Variants in APBA2 observed in about 807,000 individuals in gnomAD.
APBA2 encodes amyloid beta precursor protein binding family A member 2, also known as amyloid-beta A4 precursor protein-binding family A member 2.
In APBA2, 30 loss-of-function variants were observed where a neutral mutation model predicts 75.0. The ratio of observed to expected loss-of-function variants is 0.40; its 90% CI spans 0.30 to 0.54. The LOEUF (loss-of-function observed/expected upper bound fraction) is 0.54, where lower values mean the gene tolerates loss of function less well. Ranked by LOEUF, APBA2 falls within the 20% of genes least tolerant of loss-of-function variation. APBA2 has a pLI of 0.49. For synonymous variants in APBA2, 444 were observed against 409.6 expected, an observed-to-expected ratio of 1.08 and a Z score of -1.01; for missense variants, 801 against 1,016.1, an observed-to-expected ratio of 0.79 and a Z score of 2.88.
chr15:29,078,987 G>T (rs1481081962), intron 6 of APBA2, among the ~76,000 whole-genome samples: 3 of 152,190 alleles, frequency 2.0e-5, no homozygotes, highest in African/African-American at 4.8e-5. Context: ...AGGCAACATT[G>T]CTTATGGTGA....
rs534547997 is a variant in APBA2 at position 28,931,329 on chromosome 15, C to G, written c.-95+9580C>G. On this transcript the variant is annotated intron_variant, in intron 2 of 14. Transcript: ENST00000683413. ...TACTCCAGTCGGTCCCCCTGTAGCTCCTGGATCTTAGCGGGGGCCTGGGAA... is the reference window on the plus strand; with the variant it reads ...TACTCCAGTCGGTCCCCCTGTAGCTGCTGGATCTTAGCGGGGGCCTGGGAA... 2.0e-5 allele frequency among the ~76,000 whole-genome samples: 3 copies of G among 152,300 alleles called. No homozygotes were observed. The South Asian group carries it at 6.2e-4, about 32-fold the overall frequency.
chr15:29,082,172 A>G (rs1468069448), intron 6 of APBA2, among the ~76,000 whole-genome samples: 3 of 152,214 alleles, frequency 2.0e-5, no homozygotes, highest in Admixed American at 6.5e-5. Flanking sequence ...TTTTCTTTTC[A>G]GTGCACTGCC....
At chr15:29,019,539 A>G (rs1336454682) in intron 3 of APBA2, among the ~76,000 whole-genome samples, 1 of 152,168 alleles carries the variant, frequency 6.6e-6, no homozygotes, top group Admixed American at 6.5e-5. Flanking sequence ...GCATTTATGC[A>G]TGTGTAGATG....
At chr15:28,960,322 G>A (rs908938536) in intron 2 of APBA2, among the ~76,000 whole-genome samples, 1 of 151,886 alleles carries the variant, frequency 6.6e-6, no homozygotes, top group Non-Finnish European at 1.5e-5. Flanking sequence ...AAATTAGCTG[G>A]GTGTGGTGGT....
chr15:28,921,287 C>T (rs767210806), intron 1 of APBA2, among the ~76,000 whole-genome samples: 14 of 152,182 alleles, frequency 9.2e-5, no homozygotes, highest in Non-Finnish European at 1.6e-4. Flanking sequence ...ACAAAATCTT[C>T]CTACATTGAA....
chr15:28,887,728 C>T (rs918075948), intron 1 of APBA2, among the ~76,000 whole-genome samples: 21 of 152,124 alleles, frequency 1.4e-4, no homozygotes, highest in Admixed American at 1.2e-3. Context: ...ATGTCCAGGG[C>T]GTGAGTGGGT....
intron 3 of APBA2, among the ~76,000 whole-genome samples, chr15:29,006,738 A>G (rs991247580): frequency 2.0e-5 from 3 of 152,182 alleles, no homozygotes; most frequent in African/African-American, 7.2e-5. Flanking sequence ...AACCACCCCC[A>G]TGATACAGTT....
intron 8 of APBA2, among the ~76,000 whole-genome samples, chr15:29,098,063 C>T (rs1441695788): frequency 1.3e-5 from 2 of 152,174 alleles, no homozygotes; most frequent in African/African-American, 2.4e-5. Context: ...GAATGGACTT[C>T]GGGTTGATCC....
chr15:29,001,430 C>T (rs986875521), intron 3 of APBA2, among the ~76,000 whole-genome samples: 6 of 152,120 alleles, frequency 3.9e-5, no homozygotes, highest in Non-Finnish European at 7.3e-5. Flanking sequence ...AGACTGGTCT[C>T]GAACTCCTGG....
At chr15:28,916,664 C>T (rs1404366818) in intron 1 of APBA2, among the ~76,000 whole-genome samples, 2 of 152,342 alleles carry the variant, frequency 1.3e-5, no homozygotes, top group East Asian at 1.9e-4. Flanking sequence ...CTGGGATCTA[C>T]ACACGTGTGC....
intron 2 of APBA2, among the ~76,000 whole-genome samples, chr15:28,994,145 T>C (rs755586071): frequency 7.9e-5 from 12 of 152,216 alleles, no homozygotes; most frequent in Non-Finnish European, 1.5e-4. Flanking sequence ...TACTATTTGA[T>C]GCTAATGTGA....
chr15:28,889,900 GTTA>G (rs1445172933), intron 1 of APBA2, among the ~76,000 whole-genome samples: 1 of 152,196 alleles, frequency 6.6e-6, no homozygotes, highest in East Asian at 1.9e-4. Flanking sequence ...CATTCAGTGT[GTTA>G]TTTATTTACT....
intron 3 of APBA2, among the ~76,000 whole-genome samples, chr15:29,048,647 G>A (rs2041455745): frequency 6.6e-6 from 1 of 151,894 alleles, no homozygotes; most frequent in Admixed American, 6.6e-5. Flanking sequence ...AGAATTTAGT[G>A]TATGATGGCT....
At position 28,968,901 on chromosome 15, in the gene APBA2, G is replaced by A. The variant is rs114401137; in HGVS notation, c.-94-26852G>A. On this transcript the variant is annotated intron_variant, in intron 2 of 14. Transcript: ENST00000683413. Reference sequence around the variant, plus strand: ...TGTCTCTTGCCCTTCATTCTTGAACGCTTTGCTGGACAGGAAATCCTTGAG... The same window carrying A: ...TGTCTCTTGCCCTTCATTCTTGAACACTTTGCTGGACAGGAAATCCTTGAG... Among the ~76,000 whole-genome samples the A allele has an allele frequency of 4.6e-3, 699 of 152,142 alleles. 8 individuals carry two copies. Among genetic ancestry groups the A allele is most frequent in the African/African-American group, 0.015 (639 of 41,504 alleles).
Position 29,049,488 on chromosome 15 carries a change from A to G in APBA2, c.-40-4357A>G, listed in dbSNP as rs775109835. Among the ~76,000 whole-genome samples, 97 of 152,288 alleles carry G rather than the reference A, an allele frequency of 6.4e-4. 1 individual carries two copies. Among genetic ancestry groups the G allele is most frequent in the Non-Finnish European group, 7.1e-4 (48 of 68,020 alleles). ...GCAGCACACAGACTCAGGGAGTTTC[A>G]GGGGAGCACCTTATTCCTGTGCCTC... On this transcript the variant is annotated intron_variant, in intron 3 of 14. Transcript: ENST00000683413.
intron 4 of APBA2, among the ~76,000 whole-genome samples, chr15:29,060,906 A>G (rs2152901417): frequency 2.0e-5 from 3 of 152,300 alleles, no homozygotes; most frequent in Admixed American, 1.3e-4. Context: ...ACTATCAGGC[A>G]GTGAAGCGTG....
intron 1 of APBA2, among the ~76,000 whole-genome samples, chr15:28,906,384 C>T (rs574315573): frequency 7.9e-5 from 12 of 152,258 alleles, no homozygotes; most frequent in Non-Finnish European, 1.3e-4. Flanking sequence ...AATATGTGAC[C>T]GTTTACTTAT....
intron 4 of APBA2, among the ~76,000 whole-genome samples, chr15:29,065,020 T>G (rs1326550631): frequency 6.6e-6 from 1 of 152,010 alleles, no homozygotes; most frequent in Non-Finnish European, 1.5e-5. Flanking sequence ...TGTGTGTGTG[T>G]GTGTGTGCAC....
At chr15:28,979,530 G>A (rs1352402052) in intron 2 of APBA2, among the ~76,000 whole-genome samples, 2 of 152,190 alleles carry the variant, frequency 1.3e-5, no homozygotes, top group Admixed American at 6.5e-5. Context: ...GAAGCTGTTT[G>A]GAATCCTTCT....
Sources: allele counts gnomAD v4.1 joint callset (sites outside exome capture counted in the v4.1 genomes callset), GRCh38; gene constraint gnomAD v4.1.1; transcripts MANE v1.5; gene names NCBI Gene and HGNC (gene_info 2026-07-23, HGNC 2026-07-21).